Variants in GALNTL6 observed in about 807,000 individuals in gnomAD.
GALNTL6 encodes polypeptide N-acetylgalactosaminyltransferase-like 6.
In GALNTL6, 46 loss-of-function variants were observed where a neutral mutation model predicts 73.7. That is an observed-to-expected ratio of 0.62 (90% CI 0.49 to 0.80). GALNTL6 has a LOEUF of 0.80. Among genes scored for constraint, GALNTL6 ranks in the 30% least tolerant of loss-of-function variants. The pLI is 0.00. For synonymous variants in GALNTL6, 259 were observed against 263.7 expected, an observed-to-expected ratio of 0.98 and a Z score of 0.17; for missense variants, 604 against 755.0, an observed-to-expected ratio of 0.80 and a Z score of 2.34.
intron 12 of GALNTL6, among the ~76,000 whole-genome samples, chr4:173,034,775 A>C (rs1302864609): frequency 2.0e-5 from 3 of 152,064 alleles, no homozygotes; most frequent in African/African-American, 7.2e-5. Context: ...GTCACCTCTG[A>C]ACAGGCTATG....
At chr4:172,251,055 C>A (rs541560605) in intron 3 of GALNTL6, among the ~76,000 whole-genome samples, 1 of 152,086 alleles carries the variant, frequency 6.6e-6, no homozygotes, top group East Asian at 1.9e-4. Context: ...AAAATAAAAT[C>A]AACAGGATGT....
At chr4:172,585,459 A>G (rs1046375957) in intron 5 of GALNTL6, among the ~76,000 whole-genome samples, 1 of 151,954 alleles carries the variant, frequency 6.6e-6, no homozygotes, top group South Asian at 2.1e-4. Context: ...CCCTGTGTCC[A>G]TGTGTTCTCA....
intron 2 of GALNTL6, among the ~76,000 whole-genome samples, chr4:171,924,017 T>C (rs572356432): frequency 1.3e-5 from 2 of 151,986 alleles, no homozygotes; most frequent in Admixed American, 1.3e-4. Context: ...ACAACAAAAT[T>C]ATTGGTTGAA....
intron 5 of GALNTL6, among the ~76,000 whole-genome samples, chr4:172,609,623 CTCTGTGTGTGTGTG>C (rs1437815418): frequency 2.2e-5 from 2 of 92,594 alleles, no homozygotes; most frequent in East Asian, 3.1e-4. Context: ...CTCTCTCTCT[CTCTGTGTGTGTGTG>C]TGTGTGTGTG....
chr4:172,040,252 A>G (rs933766359), intron 2 of GALNTL6, among the ~76,000 whole-genome samples: 2 of 152,118 alleles, frequency 1.3e-5, no homozygotes, highest in African/African-American at 4.8e-5. Flanking sequence ...TTAAATACTT[A>G]CAAAATAAAT....
In GALNTL6 at chr4:172,817,360, A is replaced by G. The variant is rs139452610; in HGVS notation, c.923+3637A>G. Among the ~76,000 whole-genome samples the G allele has an allele frequency of 2.2e-4, 33 of 152,138 alleles. No homozygotes were observed. In the East Asian group the frequency reaches 3.5e-3, roughly 16 times the overall value. On this transcript the variant is annotated intron_variant, in intron 7 of 12. Coordinates refer to ENST00000506823, the MANE Select transcript of GALNTL6 (RefSeq NM_001034845.3). ...GTGGGAGGATCACCTAAGCCTAAGA[A>G]GTTGAGGTTTCAGTGAGCCATGATC...
chr4:172,284,282 C>CT (rs1213088707), intron 3 of GALNTL6, among the ~76,000 whole-genome samples: 2 of 152,176 alleles, frequency 1.3e-5, no homozygotes, highest in Non-Finnish European at 2.9e-5. Context: ...TGATTTCTTA[C>CT]TTTTTTTCAC....
At chr4:171,884,810 C>T (rs563612646) in intron 2 of GALNTL6, among the ~76,000 whole-genome samples, 22 of 152,058 alleles carry the variant, frequency 1.4e-4, no homozygotes, top group African/African-American at 4.8e-4. Flanking sequence ...AATCCTAGCA[C>T]TTTGGGAGGC....
intron 2 of GALNTL6, among the ~76,000 whole-genome samples, chr4:172,201,304 TC>T (rs1735945997): frequency 6.6e-6 from 1 of 152,036 alleles, no homozygotes; most frequent in South Asian, 2.1e-4. Context: ...CCTCTGGGAT[TC>T]AAGCAATTCC....
chr4:172,619,329 A>G (rs1738865110), intron 5 of GALNTL6, among the ~76,000 whole-genome samples: 1 of 152,144 alleles, frequency 6.6e-6, no homozygotes, highest in South Asian at 2.1e-4. Context: ...CACATGCAAT[A>G]CCATACTAGA....
chr4:172,016,508 C>T (rs377706996), intron 2 of GALNTL6, among the ~76,000 whole-genome samples: 4 of 151,934 alleles, frequency 2.6e-5, no homozygotes, highest in African/African-American at 9.6e-5. Context: ...TTGGTTTTCA[C>T]CTTTCTCTGG....
At chr4:171,971,607 T>A (rs1373930501) in intron 2 of GALNTL6, among the ~76,000 whole-genome samples, 2 of 152,194 alleles carry the variant, frequency 1.3e-5, no homozygotes, top group Non-Finnish European at 2.9e-5. Context: ...TGGCATGCAG[T>A]CCTCTCCAAA....
intron 2 of GALNTL6, among the ~76,000 whole-genome samples, chr4:172,008,799 T>C (rs1182080051): frequency 6.6e-6 from 1 of 152,126 alleles, no homozygotes; most frequent in Non-Finnish European, 1.5e-5. Context: ...CACATCCTTA[T>C]GCAGAGCAAA....
At chr4:172,530,762 G>T (rs1735142755) in intron 5 of GALNTL6, among the ~76,000 whole-genome samples, 1 of 152,110 alleles carries the variant, frequency 6.6e-6, no homozygotes, top group Non-Finnish European at 1.5e-5. Flanking sequence ...AAAAATATTT[G>T]ATAACTTTAG....
At chr4:171,933,002 A>G (rs1738232782) in intron 2 of GALNTL6, among the ~76,000 whole-genome samples, 1 of 152,208 alleles carries the variant, frequency 6.6e-6, no homozygotes, top group Admixed American at 6.5e-5. Flanking sequence ...TCAGAATCTC[A>G]GGCTCATTCA....
At chr4:171,976,508 T>C (rs1739725789) in intron 2 of GALNTL6, among the ~76,000 whole-genome samples, 1 of 152,158 alleles carries the variant, frequency 6.6e-6, no homozygotes, top group Admixed American at 6.5e-5. Flanking sequence ...ATTACATAGG[T>C]TTTGTATGGT....
At chr4:172,503,284 C>A (rs1158900506) in intron 5 of GALNTL6, among the ~76,000 whole-genome samples, 1 of 151,964 alleles carries the variant, frequency 6.6e-6, no homozygotes, top group African/African-American at 2.4e-5. Flanking sequence ...AAATATTTAA[C>A]AGGACATGGC....
At chr4:172,862,905 G>C (rs1039679411) in intron 7 of GALNTL6, among the ~76,000 whole-genome samples, 2 of 152,184 alleles carry the variant, frequency 1.3e-5, no homozygotes, top group African/African-American at 2.4e-5. Flanking sequence ...TCCTGGGCTG[G>C]GCCCAGGGCC....
At chr4:172,903,750 G>T (rs1746744371) in intron 8 of GALNTL6, among the ~76,000 whole-genome samples, 1 of 152,208 alleles carries the variant, frequency 6.6e-6, no homozygotes, top group Admixed American at 6.5e-5. Context: ...ACACATAAAA[G>T]CAATCTTAAT....
Sources: gnomAD v4.1 joint callset for allele counts (sites outside exome capture counted in the v4.1 genomes callset) on GRCh38, gnomAD v4.1.1 for gene constraint, MANE v1.5 for transcripts, NCBI Gene and HGNC (gene_info 2026-07-23, HGNC 2026-07-21) for gene names.